The following GPC6 variants were observed in gnomAD, a reference collection of about 807,000 sequenced individuals.
The protein encoded by GPC6 is glypican 6.
A neutral mutation model predicts 55.2 loss-of-function variants in GPC6; 14 were observed. That is an observed-to-expected ratio of 0.25 (90% CI 0.17 to 0.40). The LOEUF is 0.40. Ranked by LOEUF, GPC6 falls within the 10% of genes least tolerant of loss-of-function variation. GPC6 has a pLI of 1.00. For synonymous variants in GPC6, 278 were observed against 259.6 expected, an observed-to-expected ratio of 1.07 and a Z score of -0.68; for missense variants, 641 against 708.5, an observed-to-expected ratio of 0.90 and a Z score of 1.08.
intron 3 of GPC6, among the ~76,000 whole-genome samples, chr13:93,856,479 A>AG (rs1427498383): frequency 6.6e-6 from 1 of 151,604 alleles, no homozygotes; most frequent in African/African-American, 2.4e-5. Context: ...TAAGAGACAA[A>AG]GGAACATAGG....
intron 4 of GPC6, among the ~76,000 whole-genome samples, chr13:94,223,996 G>A (rs1890467810): frequency 6.6e-6 from 1 of 152,022 alleles, no homozygotes. Flanking sequence ...TGTCCTTTTT[G>A]TGGTCCATTT....
intron 1 of GPC6, among the ~76,000 whole-genome samples, chr13:93,235,768 G>A (rs1009255896): frequency 6.6e-6 from 1 of 152,178 alleles, no homozygotes. Flanking sequence ...TTGGCAGCAG[G>A]TCACAGAAAT....
intron 2 of GPC6, among the ~76,000 whole-genome samples, chr13:93,722,031 G>A (rs887302030): frequency 6.6e-6 from 1 of 151,658 alleles, no homozygotes; most frequent in Non-Finnish European, 1.5e-5. Context: ...TGGAATTTTT[G>A]ACAATATACA....
intron 4 of GPC6, among the ~76,000 whole-genome samples, chr13:94,127,237 C>T (rs1886850425): frequency 6.6e-6 from 1 of 152,004 alleles, no homozygotes; most frequent in Non-Finnish European, 1.5e-5. Flanking sequence ...TTTGTCCCTG[C>T]CCAAATCTCA....
intron 1 of GPC6, among the ~76,000 whole-genome samples, chr13:93,231,016 T>G (rs1177997274): frequency 1.3e-5 from 2 of 152,096 alleles, no homozygotes; most frequent in Non-Finnish European, 2.9e-5. Context: ...TAGAATTTAC[T>G]ATGTGCCCAT....
chr13:93,542,012 A>G (rs1882326538), intron 1 of GPC6, among the ~76,000 whole-genome samples: 1 of 152,108 alleles, frequency 6.6e-6, no homozygotes, highest in South Asian at 2.1e-4. Context: ...TGCTGTGCAG[A>G]AGCTCTTTAG....
intron 4 of GPC6, among the ~76,000 whole-genome samples, chr13:94,081,034 G>A (rs1006352703): frequency 3.3e-5 from 5 of 152,170 alleles, no homozygotes; most frequent in Admixed American, 3.3e-4. Context: ...AAGTTCTAAG[G>A]GAAGAAAAGA....
intron 1 of GPC6, among the ~76,000 whole-genome samples, chr13:93,294,258 GCC>G: frequency 6.6e-6 from 1 of 151,866 alleles, no homozygotes; most frequent in Non-Finnish European, 1.5e-5. Context: ...CTTTACCCAG[GCC>G]TTCAATAAGA....
chr13:94,223,616 T>A (rs1890454019), intron 4 of GPC6, among the ~76,000 whole-genome samples: 1 of 152,148 alleles, frequency 6.6e-6, no homozygotes, highest in South Asian at 2.1e-4. Context: ...ACATCGTTTA[T>A]TAAATATCTA....
intron 4 of GPC6, among the ~76,000 whole-genome samples, chr13:94,041,993 A>G (rs1883554100): frequency 6.6e-6 from 1 of 151,860 alleles, no homozygotes; most frequent in South Asian, 2.1e-4. Context: ...GTTCAATTAT[A>G]ATCCCCAGTG....
At chr13:94,059,676 TTTG>T (rs1236165529) in intron 4 of GPC6, among the ~76,000 whole-genome samples, 1 of 151,954 alleles carries the variant, frequency 6.6e-6, no homozygotes, top group East Asian at 1.9e-4. Flanking sequence ...AGGTGCTAGA[TTTG>T]TTGTCTTGTG....
At chr13:93,621,087 C>A (rs1162112002) in intron 2 of GPC6, among the ~76,000 whole-genome samples, 1 of 152,118 alleles carries the variant, frequency 6.6e-6, no homozygotes, top group Non-Finnish European at 1.5e-5. Context: ...AGATTTATTT[C>A]TTGCTTATGC....
At chr13:93,794,503 C>A (rs1316415909) in intron 2 of GPC6, among the ~76,000 whole-genome samples, 3 of 152,200 alleles carry the variant, frequency 2.0e-5, no homozygotes, top group African/African-American at 7.2e-5. Context: ...ACACAAGCAT[C>A]AGCGCTATAA....
intron 1 of GPC6, among the ~76,000 whole-genome samples, chr13:93,276,495 A>AGAGTGTGTGTGTGT (rs1365006783): frequency 1.1e-5 from 1 of 94,400 alleles, no homozygotes; most frequent in African/African-American, 4.5e-5. Context: ...AGAGAGAGAG[A>AGAGTGTGTGTGTGT]GTGTGTGTGT....
intron 1 of GPC6, among the ~76,000 whole-genome samples, chr13:93,488,037 G>A (rs1258890834): frequency 6.6e-6 from 1 of 152,166 alleles, no homozygotes; most frequent in African/African-American, 2.4e-5. Flanking sequence ...TGTTACATAT[G>A]TATACATGTG....
chr13:94,286,971 A>C (rs1378372353), intron 5 of GPC6, among the ~76,000 whole-genome samples: 1 of 152,168 alleles, frequency 6.6e-6, no homozygotes, highest in East Asian at 1.9e-4. Context: ...TCAGGAGAAA[A>C]TGCTCCTTTG....
chr13:94,305,726 T>C (rs1875908009), intron 5 of GPC6, among the ~76,000 whole-genome samples: 3 of 152,186 alleles, frequency 2.0e-5, no homozygotes, highest in African/African-American at 7.2e-5. Flanking sequence ...TGCAAATATG[T>C]ATCTACCAAT....
At chr13:93,664,716 CA>C (rs1201134246) in intron 2 of GPC6, among the ~76,000 whole-genome samples, 3 of 152,112 alleles carry the variant, frequency 2.0e-5, no homozygotes, top group Non-Finnish European at 4.4e-5. Flanking sequence ...CTCCCGGGTT[CA>C]AGCAATTCTC....
At position 94,105,768 on chromosome 13, in the gene GPC6, C is replaced by T. The variant is rs548941182; in HGVS notation, c.877+77874C>T. Among the ~76,000 whole-genome samples, 4 of 152,286 alleles carry T rather than the reference C, an allele frequency of 2.6e-5. No individual in the cohort carries two copies. The South Asian group carries it at 8.3e-4, about 32-fold the overall frequency. On this transcript the variant is annotated intron_variant, in intron 4 of 8. Transcript: ENST00000377047. Reference sequence around the variant, plus strand: ...ATATGTGGAGGGCAAGAGAGGAGATCATTTGGAATGGTGAATCTTTACCGG... The same window carrying T: ...ATATGTGGAGGGCAAGAGAGGAGATTATTTGGAATGGTGAATCTTTACCGG...
Sources: gnomAD v4.1 joint callset for allele counts (sites outside exome capture counted in the v4.1 genomes callset) on GRCh38, gnomAD v4.1.1 for gene constraint, MANE v1.5 for transcripts, NCBI Gene and HGNC (gene_info 2026-07-23, HGNC 2026-07-21) for gene names.